Variants in NYAP2 observed in about 807,000 individuals in gnomAD.
NYAP2 encodes neuronal tyrosine-phosphorylated phosphoinositide-3-kinase adapter 2.
A neutral mutation model predicts 50.4 loss-of-function variants in NYAP2; 23 were observed. That is an observed-to-expected ratio of 0.46 (90% CI 0.33 to 0.65). The LOEUF (loss-of-function observed/expected upper bound fraction) is 0.65, where lower values mean the gene tolerates loss of function less well. Among genes scored for constraint, NYAP2 ranks in the 30% least tolerant of loss-of-function variants. The pLI, the probability that NYAP2 is intolerant of heterozygous loss-of-function variation, is 0.02. For missense variants in NYAP2, 885 were observed against 861.0 expected (o/e 1.03, Z -0.35); for synonymous variants, 394 against 365.2 (o/e 1.08, Z -0.90).
At chr2:225,683,632 C>T in the NYAP2 span, among the ~76,000 whole-genome samples, 1 of 152,060 alleles carries the variant, frequency 6.6e-6, no homozygotes, top group African/African-American at 2.4e-5. Context: ...CTCTTTTAGA[C>T]AACAGGTAGA....
At chr2:225,670,904 A>G in the NYAP2 span, among the ~76,000 whole-genome samples, 1 of 152,120 alleles carries the variant, frequency 6.6e-6, no homozygotes, top group South Asian at 2.1e-4. Context: ...TTAAGTGTAA[A>G]CATTGTGTCT....
chr2:225,681,119 G>C, the NYAP2 span, among the ~76,000 whole-genome samples: 1 of 152,250 alleles, frequency 6.6e-6, no homozygotes, highest in East Asian at 1.9e-4. Flanking sequence ...CACATAAAGT[G>C]CAACAGTTTT....
chr2:225,484,719 G>A, intron 3 of NYAP2, among the ~76,000 whole-genome samples: 1 of 152,208 alleles, frequency 6.6e-6, no homozygotes, highest in East Asian at 1.9e-4. Flanking sequence ...AGAGTTCTCT[G>A]TAAGGCTAAT....
chr2:225,474,573 T>C (rs1389275888), intron 3 of NYAP2, among the ~76,000 whole-genome samples: 1 of 152,220 alleles, frequency 6.6e-6, no homozygotes, highest in Non-Finnish European at 1.5e-5. Flanking sequence ...TTTGAAGCAA[T>C]TGTGAATGAG....
chr2:225,446,236 CTCTCTCTCTCTATATATATA>C (rs1689555629), intron 3 of NYAP2, among the ~76,000 whole-genome samples: 2 of 102,138 alleles, frequency 2.0e-5, no homozygotes, highest in African/African-American at 8.9e-5. Flanking sequence ...CTCTCTCTCT[CTCTCTCTCTCTATATATATA>C]TATATATATA....
intron 6 of NYAP2, among the ~76,000 whole-genome samples, chr2:225,631,563 T>A (rs547191616): frequency 9.2e-5 from 14 of 152,222 alleles, no homozygotes; most frequent in Non-Finnish European, 1.8e-4. Context: ...ATAATGTCAG[T>A]GCAAGCCAGT....
chr2:225,563,167 GAGA>G (rs1411612546), intron 4 of NYAP2, among the ~76,000 whole-genome samples: 4 of 152,088 alleles, frequency 2.6e-5, no homozygotes, highest in Non-Finnish European at 4.4e-5. Context: ...CTATCTAAAG[GAGA>G]AGGACATTAA....
chr2:225,676,025 T>C, the NYAP2 span, among the ~76,000 whole-genome samples: 1 of 152,180 alleles, frequency 6.6e-6, no homozygotes, highest in Non-Finnish European at 1.5e-5. Context: ...GCTTGTTGAT[T>C]TAAGTTCCTT....
At chr2:225,433,542 A>C (rs1689307526) in intron 3 of NYAP2, among the ~76,000 whole-genome samples, 1 of 152,184 alleles carries the variant, frequency 6.6e-6, no homozygotes, top group Non-Finnish European at 1.5e-5. Flanking sequence ...ATATAGCAAA[A>C]TATGATATTA....
chr2:225,664,722 A>AG, the NYAP2 span, among the ~76,000 whole-genome samples: 1 of 150,688 alleles, frequency 6.6e-6, no homozygotes, highest in African/African-American at 2.4e-5. Flanking sequence ...AAAATACAAA[A>AG]AAAATTAGCC....
chr2:225,433,283 T>C (rs1015452460), intron 3 of NYAP2, among the ~76,000 whole-genome samples: 5 of 151,502 alleles, frequency 3.3e-5, no homozygotes, highest in African/African-American at 9.7e-5. Context: ...GCCCAGGAGT[T>C]CAAAGCTGCA....
intron 3 of NYAP2, among the ~76,000 whole-genome samples, chr2:225,443,299 C>T (rs1689499861): frequency 6.6e-6 from 1 of 152,150 alleles, no homozygotes; most frequent in South Asian, 2.1e-4. Flanking sequence ...ATCTGACAGA[C>T]CCACAGTAAG....
chr2:225,583,531 G>A (rs969011842), intron 5 of NYAP2, among the ~76,000 whole-genome samples: 16 of 151,832 alleles, frequency 1.1e-4, no homozygotes, highest in Admixed American at 7.9e-4. Context: ...TTTTTAAATA[G>A]GAAATGTTAT....
intron 5 of NYAP2, among the ~76,000 whole-genome samples, chr2:225,625,816 A>G (rs945587679): frequency 2.0e-5 from 3 of 152,190 alleles, no homozygotes; most frequent in Non-Finnish European, 4.4e-5. Context: ...GGGTTACATT[A>G]TGATCAGATT....
downstream of NYAP2, among the ~76,000 whole-genome samples, chr2:225,655,301 G>T (rs893769987): frequency 6.6e-6 from 1 of 152,076 alleles, no homozygotes; most frequent in African/African-American, 2.4e-5. Context: ...TTAAAAATAA[G>T]ATTTTATTTT....
At chr2:225,436,209 A>G (rs1689373067) in intron 3 of NYAP2, among the ~76,000 whole-genome samples, 1 of 152,304 alleles carries the variant, frequency 6.6e-6, no homozygotes, top group South Asian at 2.1e-4. Context: ...AAGGTCAAAC[A>G]ATCTTTAAAC....
At chr2:225,597,186 G>A (rs1270729615) in intron 5 of NYAP2, among the ~76,000 whole-genome samples, 4 of 151,892 alleles carry the variant, frequency 2.6e-5, no homozygotes, top group Non-Finnish European at 5.9e-5. Context: ...AACAGGTGGT[G>A]TTGGTTATGT....
Position 225,582,038 on chromosome 2 carries a change from C to G in NYAP2, c.621C>G (p.Phe207Leu). ...CGAACACTCAGCTGAGCACATCTTT[C>G]GATGAAACGTACATCAAAAAGCATG... The change falls in exon 5 of 7, where the codon TTC (phenylalanine) becomes TTG (leucine). Residue 207 changes from phenylalanine to leucine, a missense_variant. By Grantham distance (22) the Phe-to-Leu change is conservative (BLOSUM62 0). Transcript: ENST00000636099. This position sits in a 1 kb window ranked among gnomAD's most constrained non-coding sequence, Gnocchi z 7.0. 1 of 1,614,008 alleles carries G rather than the reference C, an allele frequency of 6.2e-7. No individual in the cohort carries two copies. Among genetic ancestry groups the G allele is most frequent in the South Asian group, 1.1e-5 (1 of 91,074 alleles).
chr2:225,696,015 C>T, the NYAP2 span, among the ~76,000 whole-genome samples: 3 of 151,840 alleles, frequency 2.0e-5, no homozygotes, highest in African/African-American at 7.2e-5. Flanking sequence ...ATTTCATAAG[C>T]AGTTTTTATT....
Sources: gnomAD v4.1 joint callset for allele counts (sites outside exome capture counted in the v4.1 genomes callset) on GRCh38, gnomAD v4.1.1 for gene constraint, Gnocchi (gnomAD v3.1) non-coding constraint, MANE v1.5 for transcripts, NCBI Gene and HGNC (gene_info 2026-07-23, HGNC 2026-07-21) for gene names.